GRIN2A: variants seen among roughly 807,000 people sequenced by gnomAD.
The protein encoded by GRIN2A is glutamate receptor ionotropic, NMDA 2A.
A neutral mutation model predicts 113.4 loss-of-function variants in GRIN2A; 22 were observed. The observed-to-expected ratio is 0.19, with a 90% CI of 0.14 to 0.28. The LOEUF (loss-of-function observed/expected upper bound fraction) is 0.28. GRIN2A is among the 10% of genes least tolerant of loss of function. The pLI is 1.00. For synonymous variants in GRIN2A, 827 were observed against 738.4 expected, an observed-to-expected ratio of 1.12 and a Z score of -1.94; for missense variants, 1,502 against 1,887.0, an observed-to-expected ratio of 0.80 and a Z score of 3.78.
intron 10 of GRIN2A, among the ~76,000 whole-genome samples, chr16:9,818,979 C>T (rs1286345565): frequency 6.6e-6 from 1 of 152,064 alleles, no homozygotes; most frequent in East Asian, 1.9e-4. Flanking sequence ...ACAATAGAGG[C>T]CTGACCAAAT....
intron 3 of GRIN2A, 29 bp downstream of exon 3, chr16:9,937,930 A>G (rs760348842): frequency 1.1e-5 from 17 of 1,511,592 alleles, no homozygotes; most frequent in South Asian, 3.4e-5. Context: ...CTCTGATCCC[A>G]CTTTGGGAGA....
chr16:9,773,780 C>T (rs1453182643), intron 11 of GRIN2A, among the ~76,000 whole-genome samples: 1 of 152,174 alleles, frequency 6.6e-6, no homozygotes, highest in Non-Finnish European at 1.5e-5. Flanking sequence ...TTTCCAGCCA[C>T]AAGTATCTCT....
chr16:10,103,245 A>C (rs2048433957), intron 2 of GRIN2A, among the ~76,000 whole-genome samples: 1 of 152,222 alleles, frequency 6.6e-6, no homozygotes, highest in Admixed American at 6.5e-5. Context: ...CTGAAACCCA[A>C]AACAGCTAAG....
intron 3 of GRIN2A, among the ~76,000 whole-genome samples, chr16:9,933,031 G>T (rs1470835872): frequency 6.6e-6 from 1 of 152,188 alleles, no homozygotes; most frequent in Non-Finnish European, 1.5e-5. Context: ...TCACAATTTT[G>T]GGAGTTAACA....
At chr16:9,966,772 G>C (rs892038953) in intron 2 of GRIN2A, among the ~76,000 whole-genome samples, 3 of 152,068 alleles carry the variant, frequency 2.0e-5, no homozygotes, top group Non-Finnish European at 1.5e-5. Flanking sequence ...CACCCAAAAG[G>C]CTTGTTAAAA....
At chr16:10,033,060 T>A (rs1265284016) in intron 2 of GRIN2A, among the ~76,000 whole-genome samples, 1 of 152,188 alleles carries the variant, frequency 6.6e-6, no homozygotes, top group Non-Finnish European at 1.5e-5. Flanking sequence ...TTGCCCTGCA[T>A]TCCTGGGCAC....
chr16:9,845,849 A>T (rs1017448464), intron 5 of GRIN2A, among the ~76,000 whole-genome samples: 1 of 152,194 alleles, frequency 6.6e-6, no homozygotes, highest in African/African-American at 2.4e-5. Flanking sequence ...TTATTACAAC[A>T]TGGGGTCACC....
chr16:10,021,006 C>T lies in GRIN2A; in HGVS notation c.415-82455G>A, dbSNP rs562717740. On this transcript the variant is annotated intron_variant, in intron 2 of 12. Transcript: ENST00000330684. ...TCTCACCTCCAAGTTTGTGCTAAAC[C>T]GCTTACCAAGCAGCTTCAGACTCAT... 4.6e-5 allele frequency among the ~76,000 whole-genome samples: 7 copies of T among 152,148 alleles called. No homozygotes were observed. In the South Asian group the frequency reaches 6.2e-4, roughly 14 times the overall value.
chr16:10,083,672 C>G (rs546305845), intron 2 of GRIN2A, among the ~76,000 whole-genome samples: 1 of 152,174 alleles, frequency 6.6e-6, no homozygotes. Flanking sequence ...TCCTACCTGA[C>G]GAATTTATCT....
intron 10 of GRIN2A, among the ~76,000 whole-genome samples, chr16:9,816,423 G>A (rs2042186779): frequency 6.6e-6 from 1 of 152,170 alleles, no homozygotes; most frequent in South Asian, 2.1e-4. Flanking sequence ...CCTGAGAGCT[G>A]AAAACTGAGG....
chr16:10,023,933 T>C (rs931500283), intron 2 of GRIN2A, among the ~76,000 whole-genome samples: 40 of 152,214 alleles, frequency 2.6e-4, no homozygotes, highest in Non-Finnish European at 4.4e-5. Flanking sequence ...ACATCACACA[T>C]TATGCCATTT....
intron 2 of GRIN2A, among the ~76,000 whole-genome samples, chr16:10,136,708 G>A (rs369697074): frequency 3.9e-4 from 59 of 152,286 alleles, no homozygotes; most frequent in African/African-American, 1.3e-3. Flanking sequence ...ACCTTCACAA[G>A]GATGGTAATG....
intron 4 of GRIN2A, among the ~76,000 whole-genome samples, chr16:9,867,983 A>G (rs1353533868): frequency 6.6e-6 from 1 of 152,102 alleles, no homozygotes; most frequent in Non-Finnish European, 1.5e-5. Flanking sequence ...CACCGTAAAA[A>G]ATAGTTTCTC....
At chr16:9,886,583 C>T (rs952637586) in intron 4 of GRIN2A, among the ~76,000 whole-genome samples, 2 of 152,186 alleles carry the variant, frequency 1.3e-5, no homozygotes, top group African/African-American at 2.4e-5. Flanking sequence ...TCCATATACA[C>T]ACTAAGATCT....
At chr16:9,769,641 T>C (rs1901142322) in intron 11 of GRIN2A, among the ~76,000 whole-genome samples, 1 of 151,984 alleles carries the variant, frequency 6.6e-6, no homozygotes, top group Admixed American at 6.6e-5. Flanking sequence ...GCTACAGTTA[T>C]CCTGTCTGTG....
chr16:10,094,470 A>T (rs181165308), intron 2 of GRIN2A, among the ~76,000 whole-genome samples: 2 of 150,422 alleles, frequency 1.3e-5, no homozygotes, highest in African/African-American at 2.4e-5. Flanking sequence ...TTTTTTTGAG[A>T]TGGAATCTCG....
At chr16:9,968,052 G>C (rs1005315063) in intron 2 of GRIN2A, among the ~76,000 whole-genome samples, 2 of 152,080 alleles carry the variant, frequency 1.3e-5, no homozygotes, top group African/African-American at 4.8e-5. Flanking sequence ...TAAACCTCCA[G>C]ACAACCCAGT....
intron 2 of GRIN2A, among the ~76,000 whole-genome samples, chr16:10,005,587 A>G (rs897752565): frequency 6.6e-6 from 1 of 152,202 alleles, no homozygotes; most frequent in South Asian, 2.1e-4. Flanking sequence ...ACTCACTTCC[A>G]TCTGAATACT....
intron 2 of GRIN2A, among the ~76,000 whole-genome samples, chr16:10,093,031 G>T (rs2048212341): frequency 6.6e-6 from 1 of 151,912 alleles, no homozygotes; most frequent in Admixed American, 6.6e-5. Context: ...GTAGAGGTGG[G>T]GTTTCGCCAT....
Sources: gnomAD v4.1 joint callset for allele counts (sites outside exome capture counted in the v4.1 genomes callset) on GRCh38, gnomAD v4.1.1 for gene constraint, MANE v1.5 for transcripts, NCBI Gene and HGNC (gene_info 2026-07-23, HGNC 2026-07-21) for gene names.